Variants in PDE4D observed in about 807,000 individuals in gnomAD.
PDE4D encodes the protein 3',5'-cyclic-AMP phosphodiesterase 4D.
A neutral mutation model predicts 87.4 loss-of-function variants in PDE4D; 24 were observed. That is an observed-to-expected ratio of 0.27 (90% CI 0.20 to 0.39). PDE4D has a LOEUF of 0.39. Among genes scored for constraint, PDE4D ranks in the 10% least tolerant of loss-of-function variants. PDE4D has a pLI of 1.00. For missense variants in PDE4D, 714 were observed against 1,041.0 expected, an observed-to-expected ratio of 0.69 and a Z score of 4.32; for synonymous variants, 384 against 383.2, an observed-to-expected ratio of 1.00 and a Z score of -0.02.
chr5:58,980,555 T>C (rs1186667132), intron 11 of PDE4D, among the ~76,000 whole-genome samples: 1 of 152,176 alleles, frequency 6.6e-6, no homozygotes, highest in Non-Finnish European at 1.5e-5. Context: ...TTATTATATA[T>C]AGATCAATTG....
At chr5:59,105,047 TC>T (rs2153435473) in intron 5 of PDE4D, among the ~76,000 whole-genome samples, 1 of 152,306 alleles carries the variant, frequency 6.6e-6, no homozygotes, top group African/African-American at 2.4e-5. Context: ...TGTCGTGCTA[TC>T]CAAATCACCA....
chr5:60,122,740 G>A (rs2113076), intron 2 of PDE4D, among the ~76,000 whole-genome samples: 76,919 of 152,050 alleles, frequency 0.51, 19,880 homozygotes, highest in Admixed American at 0.56. Flanking sequence ...CTTAACATTC[G>A]GCCTCTCGTT....
intron 1 of PDE4D, among the ~76,000 whole-genome samples, chr5:59,712,297 C>T (rs537844239): frequency 1.3e-5 from 2 of 150,640 alleles, no homozygotes; most frequent in South Asian, 2.1e-4. Context: ...TAAATGATCT[C>T]GTTCTGTCTG....
At chr5:60,269,197 C>G (rs1211306188) in intron 1 of PDE4D, among the ~76,000 whole-genome samples, 1 of 152,248 alleles carries the variant, frequency 6.6e-6, no homozygotes, top group African/African-American at 2.4e-5. Context: ...GTCCCAGCTA[C>G]TCGGGAGGCC....
At chr5:59,199,909 C>T (rs1264039654) in intron 2 of PDE4D, among the ~76,000 whole-genome samples, 1 of 151,472 alleles carries the variant, frequency 6.6e-6, no homozygotes, top group Admixed American at 6.6e-5. Flanking sequence ...TACATATATG[C>T]ATGTATATAT....
At chr5:59,213,161 C>G (rs1450077292) in intron 2 of PDE4D, among the ~76,000 whole-genome samples, 1 of 132,582 alleles carries the variant, frequency 7.5e-6, no homozygotes. Context: ...CCTCCTTCTT[C>G]TTTTTTTCTT....
intron 1 of PDE4D, among the ~76,000 whole-genome samples, chr5:59,753,995 G>A (rs1204783714): frequency 1.3e-5 from 2 of 152,120 alleles, no homozygotes; most frequent in Non-Finnish European, 2.9e-5. Flanking sequence ...GTCTTCTGAA[G>A]TTTCTATCAA....
chr5:59,017,977 T>C (rs1342602196), intron 6 of PDE4D, among the ~76,000 whole-genome samples: 1 of 152,206 alleles, frequency 6.6e-6, no homozygotes, highest in Non-Finnish European at 1.5e-5. Context: ...GTTCGAATCT[T>C]GGCCCTGCCT....
chr5:59,053,362 T>TAC (rs57805618), intron 5 of PDE4D, among the ~76,000 whole-genome samples: 7,871 of 142,016 alleles, frequency 0.055, 229 homozygotes, highest in Admixed American at 0.11. Context: ...TGGGTGTACA[T>TAC]ACACACACAC....
intron 1 of PDE4D, among the ~76,000 whole-genome samples, chr5:59,551,220 AT>A (rs1398563813): frequency 4.6e-5 from 7 of 151,318 alleles, no homozygotes; most frequent in Non-Finnish European, 7.4e-5. Flanking sequence ...TTAAATACTC[AT>A]TTTTATTTTA....
intron 5 of PDE4D, among the ~76,000 whole-genome samples, chr5:59,077,962 G>GT (rs557565581): frequency 2.6e-4 from 40 of 152,284 alleles, no homozygotes; most frequent in Admixed American, 1.4e-3. Flanking sequence ...TCCCAGTGCA[G>GT]TTGCTCTTTC....
At chr5:60,054,917 T>A (rs1181258015) in intron 2 of PDE4D, among the ~76,000 whole-genome samples, 10 of 152,056 alleles carry the variant, frequency 6.6e-5, no homozygotes, top group African/African-American at 2.4e-4. Flanking sequence ...TATCTCTAAT[T>A]ATAAAATGTC....
intron 1 of PDE4D, among the ~76,000 whole-genome samples, chr5:59,403,972 C>T (rs1372266892): frequency 6.6e-6 from 1 of 152,162 alleles, no homozygotes; most frequent in Non-Finnish European, 1.5e-5. Flanking sequence ...TTTGTTACTG[C>T]CTGTCTTTTG....
intron 1 of PDE4D, among the ~76,000 whole-genome samples, chr5:59,457,023 T>G (rs968067390): frequency 6.6e-6 from 1 of 152,184 alleles, no homozygotes; most frequent in Non-Finnish European, 1.5e-5. Context: ...AATAAAAGAT[T>G]TAAAATATTA....
chr5:60,350,001 C>T (rs1407825015), intron 1 of PDE4D, among the ~76,000 whole-genome samples: 1 of 152,082 alleles, frequency 6.6e-6, no homozygotes, highest in Admixed American at 6.6e-5. Flanking sequence ...GGTTTTGAAC[C>T]ACTTGAATAA....
intron 5 of PDE4D, among the ~76,000 whole-genome samples, chr5:59,102,024 A>G (rs552351009): frequency 6.6e-6 from 1 of 152,112 alleles, no homozygotes; most frequent in East Asian, 1.9e-4. Context: ...GACTGCCCCA[A>G]ACTGAGGCTT....
At chr5:59,597,062 G>A (rs970641360) in intron 1 of PDE4D, among the ~76,000 whole-genome samples, 7 of 152,084 alleles carry the variant, frequency 4.6e-5, no homozygotes, top group Middle Eastern at 3.2e-3. Context: ...AATAGGCCCT[G>A]CTATACTTGT....
At chr5:60,074,048 A>G (rs1773023007) in intron 2 of PDE4D, among the ~76,000 whole-genome samples, 1 of 151,764 alleles carries the variant, frequency 6.6e-6, no homozygotes, top group Admixed American at 6.6e-5. Context: ...GATTCTGGTT[A>G]TTTACTGTCT....
intron 1 of PDE4D, among the ~76,000 whole-genome samples, chr5:59,642,020 T>G (rs949139522): frequency 1.3e-5 from 2 of 152,154 alleles, no homozygotes; most frequent in Non-Finnish European, 2.9e-5. Flanking sequence ...TGGTTCATTC[T>G]TATAAAGGAA....
Sources: allele counts gnomAD v4.1 joint callset (sites outside exome capture counted in the v4.1 genomes callset), GRCh38; gene constraint gnomAD v4.1.1; transcripts MANE v1.5; gene names NCBI Gene and HGNC (gene_info 2026-07-23, HGNC 2026-07-21).